SHISA9: variants seen among roughly 807,000 people sequenced by gnomAD.
SHISA9 encodes the protein shisa family member 9.
Under a neutral mutation model 38.0 loss-of-function variants are expected in SHISA9, and 13 were observed. The observed-to-expected ratio is 0.34, with a 90% CI of 0.22 to 0.54. The LOEUF is 0.54. Among genes scored for constraint, SHISA9 ranks in the 20% least tolerant of loss-of-function variants. The pLI, the probability that SHISA9 is intolerant of heterozygous loss-of-function variation, is 0.91. For missense variants in SHISA9, 538 were observed against 575.8 expected, an observed-to-expected ratio of 0.93 and a Z score of 0.67; for synonymous variants, 275 against 242.0, an observed-to-expected ratio of 1.14 and a Z score of -1.27.
the SHISA9 span, among the ~76,000 whole-genome samples, chr16:13,291,300 C>A: frequency 6.6e-6 from 1 of 152,120 alleles, no homozygotes; most frequent in Non-Finnish European, 1.5e-5. Flanking sequence ...CAACCCAAAC[C>A]CCAGGTGAAG....
the SHISA9 span, among the ~76,000 whole-genome samples, chr16:13,498,008 G>T: frequency 6.6e-6 from 1 of 151,818 alleles, no homozygotes; most frequent in South Asian, 2.1e-4. Context: ...AAATCACAAA[G>T]CAAACACTCA....
intron 2 of SHISA9, among the ~76,000 whole-genome samples, chr16:13,165,568 T>C (rs1175184986): frequency 6.6e-6 from 1 of 152,196 alleles, no homozygotes; most frequent in East Asian, 1.9e-4. Context: ...AAACTTCCTG[T>C]TACCTGTTCT....
intron 2 of SHISA9, among the ~76,000 whole-genome samples, chr16:13,142,748 A>T (rs1047743919): frequency 1.3e-5 from 2 of 151,112 alleles, no homozygotes; most frequent in Non-Finnish European, 3.0e-5. Context: ...AGTGGGGGGG[A>T]TGTTTCCATG....
At chr16:13,488,976 C>A in the SHISA9 span, among the ~76,000 whole-genome samples, 1 of 152,012 alleles carries the variant, frequency 6.6e-6, no homozygotes, top group Non-Finnish European at 1.5e-5. Flanking sequence ...GGTTTCACCA[C>A]GTGAGCCAGG....
chr16:13,400,144 C>T, the SHISA9 span, among the ~76,000 whole-genome samples: 1 of 152,068 alleles, frequency 6.6e-6, no homozygotes, highest in African/African-American at 2.4e-5. Context: ...AGATTAAATG[C>T]TTCCTAGAGC....
At chr16:13,053,570 C>A (rs547689513) in intron 2 of SHISA9, among the ~76,000 whole-genome samples, 1 of 152,308 alleles carries the variant, frequency 6.6e-6, no homozygotes, top group South Asian at 2.1e-4. Context: ...AAAATCTGGA[C>A]TCTACCCCAT....
intron 2 of SHISA9, among the ~76,000 whole-genome samples, chr16:13,087,700 G>A: frequency 6.6e-6 from 1 of 151,946 alleles, no homozygotes; most frequent in East Asian, 1.9e-4. Context: ...AAATTTGTTT[G>A]AGTTCTTTGT....
At chr16:13,004,792 C>T (rs542310237) in intron 2 of SHISA9, among the ~76,000 whole-genome samples, 3 of 151,174 alleles carry the variant, frequency 2.0e-5, no homozygotes, top group South Asian at 2.1e-4. Context: ...ATTAGCTGAA[C>T]GCGGTGGTGG....
intron 2 of SHISA9, among the ~76,000 whole-genome samples, chr16:12,952,630 T>C (rs183175802): frequency 1.0e-3 from 155 of 152,312 alleles, no homozygotes; most frequent in Middle Eastern, 6.8e-3. Flanking sequence ...TATGCTGTTT[T>C]AGTGATATGA....
chr16:12,920,494 G>C (rs1026008375), intron 2 of SHISA9, among the ~76,000 whole-genome samples: 1 of 152,174 alleles, frequency 6.6e-6, no homozygotes, highest in Non-Finnish European at 1.5e-5. Flanking sequence ...ATAACTTAAA[G>C]AGTGTCATTG....
chr16:12,977,479 G>A (rs1159537384), intron 2 of SHISA9, among the ~76,000 whole-genome samples: 1 of 152,140 alleles, frequency 6.6e-6, no homozygotes, highest in East Asian at 1.9e-4. Context: ...TATACCCAAA[G>A]GAATAGAAAT....
At chr16:13,359,640 C>T in the SHISA9 span, among the ~76,000 whole-genome samples, 1 of 152,142 alleles carries the variant, frequency 6.6e-6, no homozygotes, top group Non-Finnish European at 1.5e-5. Flanking sequence ...CTCTCTGAGA[C>T]TCAGGTTCTC....
At chr16:13,559,124 C>G in the SHISA9 span, among the ~76,000 whole-genome samples, 19 of 152,164 alleles carry the variant, frequency 1.2e-4, no homozygotes, top group East Asian at 3.7e-3. Context: ...TATATACACT[C>G]TTAACAAATA....
intron 2 of SHISA9, among the ~76,000 whole-genome samples, chr16:13,025,312 A>T (rs916219618): frequency 6.6e-6 from 1 of 152,222 alleles, no homozygotes; most frequent in Non-Finnish European, 1.5e-5. Context: ...ACAAATTCTC[A>T]GGACACACTG....
At chr16:13,227,638 G>A (rs1384042187) in intron 4 of SHISA9, among the ~76,000 whole-genome samples, 2 of 152,180 alleles carry the variant, frequency 1.3e-5, no homozygotes, top group African/African-American at 4.8e-5. Context: ...TTTTTCTGTT[G>A]AAGTTTCATG....
chr16:12,916,646 T>C (rs548599102), intron 1 of SHISA9, 42 bp from the exon 2 acceptor site: 2 of 1,537,978 alleles, frequency 1.3e-6, no homozygotes, highest in African/African-American at 1.4e-5. Context: ...CTGCCAGTCA[T>C]TGTGTTTTGA....
At chr16:13,519,895 A>C in the SHISA9 span, among the ~76,000 whole-genome samples, 1 of 152,128 alleles carries the variant, frequency 6.6e-6, no homozygotes, top group African/African-American at 2.4e-5. Flanking sequence ...ACACTTGGGG[A>C]TTATGTGAAC....
intron 2 of SHISA9, among the ~76,000 whole-genome samples, chr16:13,075,734 G>C (rs1467214847): frequency 6.6e-6 from 1 of 152,180 alleles, no homozygotes; most frequent in East Asian, 1.9e-4. Flanking sequence ...TCACATTTTA[G>C]AGAAGATGAA....
At chr16:12,994,646 T>C (rs2072435341) in intron 2 of SHISA9, among the ~76,000 whole-genome samples, 1 of 152,204 alleles carries the variant, frequency 6.6e-6, no homozygotes, top group African/African-American at 2.4e-5. Context: ...AGAACTATAG[T>C]TGACTCACTG....
Sources: gnomAD v4.1 joint callset for allele counts (sites outside exome capture counted in the v4.1 genomes callset) on GRCh38, gnomAD v4.1.1 for gene constraint, MANE v1.5 for transcripts, NCBI Gene and HGNC (gene_info 2026-07-23, HGNC 2026-07-21) for gene names.